The following KCNH7 variants were observed in gnomAD, a reference collection of about 807,000 sequenced individuals.
KCNH7 encodes potassium voltage-gated channel subfamily H member 7, also known as voltage-gated inwardly rectifying potassium channel KCNH7.
Under a neutral mutation model 120.8 loss-of-function variants are expected in KCNH7, and 49 were observed. The observed-to-expected ratio is 0.41, with a 90% CI of 0.32 to 0.51. The LOEUF is 0.51. Among genes scored for constraint, KCNH7 ranks in the 20% least tolerant of loss-of-function variants. The pLI, the probability that KCNH7 is intolerant of heterozygous loss-of-function variation, is 0.38. For missense variants in KCNH7, 1,097 were observed against 1,446.6 expected (o/e 0.76, Z 3.92); for synonymous variants, 547 against 516.1 (o/e 1.06, Z -0.81).
chr2:162,708,591 C>G (rs968317816), intron 2 of KCNH7, among the ~76,000 whole-genome samples: 3 of 151,910 alleles, frequency 2.0e-5, no homozygotes, highest in Non-Finnish European at 4.4e-5. Context: ...AGGCCATTTT[C>G]TAAGTGAAAG....
chr2:162,731,292 A>G (rs929310131), intron 2 of KCNH7, among the ~76,000 whole-genome samples: 2 of 149,498 alleles, frequency 1.3e-5, no homozygotes. Flanking sequence ...TAAAATTTAT[A>G]GCACAGCAAT....
intron 6 of KCNH7, among the ~76,000 whole-genome samples, chr2:162,462,838 G>T (rs561598369): frequency 6.6e-6 from 1 of 151,916 alleles, no homozygotes; most frequent in African/African-American, 2.4e-5. Context: ...CAATGTTTAC[G>T]TATTTCAAAA....
intron 2 of KCNH7, among the ~76,000 whole-genome samples, chr2:162,589,574 T>C (rs1377048826): frequency 6.6e-6 from 1 of 152,062 alleles, no homozygotes; most frequent in Admixed American, 6.6e-5. Context: ...CATGGATAAA[T>C]ATCTCAAGCA....
chr2:162,745,967 T>C (rs982759156), intron 2 of KCNH7, among the ~76,000 whole-genome samples: 2 of 152,064 alleles, frequency 1.3e-5, no homozygotes, highest in African/African-American at 2.4e-5. Context: ...ATATTGATAC[T>C]GAAACTGATG....
At chr2:162,680,341 C>T (rs1346280904) in intron 2 of KCNH7, among the ~76,000 whole-genome samples, 4 of 151,626 alleles carry the variant, frequency 2.6e-5, no homozygotes, top group Non-Finnish European at 5.9e-5. Flanking sequence ...AAAGAGGTGA[C>T]ACAGTTGCTG....
intron 2 of KCNH7, among the ~76,000 whole-genome samples, chr2:162,540,956 G>C (rs1692282731): frequency 6.6e-6 from 1 of 152,006 alleles, no homozygotes; most frequent in Non-Finnish European, 1.5e-5. Context: ...GATGTTTTGA[G>C]GTAGAGCGTA....
intron 9 of KCNH7, 144 bp downstream of exon 9, chr2:162,423,192 G>T: frequency 6.6e-7 from 1 of 1,520,434 alleles, no homozygotes; most frequent in Non-Finnish European, 8.9e-7. Flanking sequence ...GAGAATGAGA[G>T]ACTATCTCCA....
chr2:162,684,859 G>T (rs1180287185), intron 2 of KCNH7, among the ~76,000 whole-genome samples: 1 of 151,972 alleles, frequency 6.6e-6, no homozygotes, highest in East Asian at 1.9e-4. Context: ...TATATCCCCA[G>T]AGGATTATAA....
chr2:162,667,179 C>A (rs1266939038), intron 2 of KCNH7, among the ~76,000 whole-genome samples: 1 of 151,882 alleles, frequency 6.6e-6, no homozygotes, highest in Non-Finnish European at 1.5e-5. Flanking sequence ...ACCACAATGC[C>A]CAGCTAATTT....
In KCNH7 at chr2:162,394,359, C is replaced by T. The variant is rs771195407; in HGVS notation, c.2710+30G>A. 17 of 1,224,270 alleles carry T rather than the reference C, an allele frequency of 1.4e-5. No homozygotes were observed. The South Asian group carries it at 1.5e-4, about 10-fold the overall frequency. 75.8% of individuals were successfully genotyped at this position (1,224,270 alleles called of 1,614,324 possible). The stretch of plus-strand genomic sequence containing the variant: ...AGAAGGCTAATTACCACATGCTCTA[C>T]ATTTAAACTTTAGGAATGGAATGAA... On this transcript the variant is annotated intron_variant, in intron 12 of 15. Transcript: ENST00000332142.
chr2:162,740,706 A>C lies in KCNH7; in HGVS notation c.307+95831T>G, dbSNP rs145688056. 5.1e-4 allele frequency among the ~76,000 whole-genome samples: 77 copies of C among 152,284 alleles called. No individual in the cohort carries two copies. The East Asian group carries it at 0.013, about 26-fold the overall frequency. On this transcript the variant is annotated intron_variant, in intron 2 of 15. Coordinates refer to ENST00000332142, the MANE Select transcript of KCNH7 (RefSeq NM_033272.4). ...TCTCTTAATTCCTGGCCAGATCTTC[A>C]ACAGTTACCTTCCACTCTACATCAG...
At chr2:162,770,764 AT>A (rs1344500863) in intron 2 of KCNH7, among the ~76,000 whole-genome samples, 4 of 152,098 alleles carry the variant, frequency 2.6e-5, no homozygotes, top group Non-Finnish European at 1.5e-5. Context: ...ATATTTCTAA[AT>A]ATACTCTTGA....
At chr2:162,606,942 T>G (rs1188790144) in intron 2 of KCNH7, among the ~76,000 whole-genome samples, 1 of 152,222 alleles carries the variant, frequency 6.6e-6, no homozygotes, top group Admixed American at 6.5e-5. Context: ...TAAATTATTA[T>G]GTTTATAGTT....
At chr2:162,686,060 T>A (rs1289990490) in intron 2 of KCNH7, among the ~76,000 whole-genome samples, 1 of 152,030 alleles carries the variant, frequency 6.6e-6, no homozygotes, top group African/African-American at 2.4e-5. Context: ...AGAAATAAAG[T>A]GGGAAAGTGT....
At chr2:162,685,023 A>C (rs931501789) in intron 2 of KCNH7, among the ~76,000 whole-genome samples, 7 of 152,176 alleles carry the variant, frequency 4.6e-5, no homozygotes, top group Admixed American at 4.6e-4. Context: ...AGCCATAAAA[A>C]AGGATGAGTT....
At chr2:162,581,885 A>C (rs1378321328) in intron 2 of KCNH7, among the ~76,000 whole-genome samples, 2 of 152,066 alleles carry the variant, frequency 1.3e-5, no homozygotes, top group Non-Finnish European at 2.9e-5. Context: ...CCACCCACCC[A>C]AAGAAAGAAA....
intron 2 of KCNH7, among the ~76,000 whole-genome samples, chr2:162,739,630 G>A (rs1688050680): frequency 6.6e-6 from 1 of 152,162 alleles, no homozygotes; most frequent in South Asian, 2.1e-4. Flanking sequence ...GCTGGGACCT[G>A]CAGTGAGCCA....
At chr2:162,618,362 G>GAATTTTAC (rs1683221060) in intron 2 of KCNH7, among the ~76,000 whole-genome samples, 1 of 151,910 alleles carries the variant, frequency 6.6e-6, no homozygotes, top group African/African-American at 2.4e-5. Context: ...CCTTGATACT[G>GAATTTTAC]AATTTTACAA....
chr2:162,449,640 C>A (rs943136060), intron 6 of KCNH7, among the ~76,000 whole-genome samples: 1 of 151,976 alleles, frequency 6.6e-6, no homozygotes, highest in Non-Finnish European at 1.5e-5. Context: ...GCAGATACAG[C>A]TGCAAGCCAA....
Sources: allele counts gnomAD v4.1 joint callset (sites outside exome capture counted in the v4.1 genomes callset), GRCh38; gene constraint gnomAD v4.1.1; transcripts MANE v1.5; gene names NCBI Gene and HGNC (gene_info 2026-07-23, HGNC 2026-07-21).